Variants in C8orf74 observed in about 807,000 individuals in gnomAD.
The protein encoded by C8orf74 is chromosome 8 open reading frame 74.
Under a neutral mutation model 22.2 loss-of-function variants are expected in C8orf74, and 29 were observed. The observed-to-expected ratio is 1.31, with a 90% confidence interval of 0.97 to 1.78. The LOEUF (loss-of-function observed/expected upper bound fraction) is 1.78, where lower values mean the gene tolerates loss of function less well. Among genes scored for constraint, C8orf74 ranks in the 40% most tolerant of loss-of-function variants. The pLI is 0.00. For synonymous variants in C8orf74, 255 were observed against 163.1 expected (o/e 1.56, Z -4.30); for missense variants, 515 against 369.9 (o/e 1.39, Z -3.22).
chr8:10,682,237 A>T (rs893736422), intron 2 of C8orf74, among the ~76,000 whole-genome samples: 2 of 152,150 alleles, frequency 1.3e-5, no homozygotes, highest in Non-Finnish European at 2.9e-5. Context: ...TGATTGATGG[A>T]TGGTGGAAGT....
At chr8:10,696,930 T>C (rs969896496) in intron 2 of C8orf74, among the ~76,000 whole-genome samples, 1 of 140,122 alleles carries the variant, frequency 7.1e-6, no homozygotes. Context: ...GAGGCCACGG[T>C]GGGAGGATAG....
At chr8:10,687,686 T>C (rs1563160199) in intron 2 of C8orf74, among the ~76,000 whole-genome samples, 2 of 152,118 alleles carry the variant, frequency 1.3e-5, no homozygotes, top group Non-Finnish European at 2.9e-5. Flanking sequence ...AAGATTCTGC[T>C]TTTAAACACT....
intron 2 of C8orf74, among the ~76,000 whole-genome samples, chr8:10,681,423 AG>A (rs372207216): frequency 7.0e-4 from 106 of 152,218 alleles, no homozygotes; most frequent in Middle Eastern, 3.4e-3. Flanking sequence ...AACCACAGGA[AG>A]GGGGCACAGT....
intron 3 of C8orf74, among the ~76,000 whole-genome samples, chr8:10,699,619 G>A (rs1356666874): frequency 6.6e-6 from 1 of 152,206 alleles, no homozygotes; most frequent in East Asian, 1.9e-4. Context: ...GACCAACAGG[G>A]TTTCCTGTTT....
At chr8:10,674,084 C>A (rs2129055834) in intron 1 of C8orf74, among the ~76,000 whole-genome samples, 1 of 144,136 alleles carries the variant, frequency 6.9e-6, no homozygotes, top group South Asian at 2.4e-4. Context: ...CCACAACCAT[C>A]ATGTCATACC....
intron 3 of C8orf74, among the ~76,000 whole-genome samples, chr8:10,698,901 C>CACACA: frequency 7.3e-6 from 1 of 137,522 alleles, no homozygotes; most frequent in African/African-American, 2.7e-5. Flanking sequence ...TACACACACA[C>CACACA]CACACACACA....
At chr8:10,698,807 G>A (rs774091905) in intron 3 of C8orf74, among the ~76,000 whole-genome samples, 14 of 152,004 alleles carry the variant, frequency 9.2e-5, no homozygotes, top group Non-Finnish European at 1.6e-4. Context: ...TGGGGGAGTT[G>A]CAGGGCCTGT....
chr8:10,679,681 C>T (rs1394036581), intron 2 of C8orf74, among the ~76,000 whole-genome samples: 1 of 152,228 alleles, frequency 6.6e-6, no homozygotes, highest in Non-Finnish European at 1.5e-5. Context: ...CTCCAGGCCA[C>T]AGCCACGGCC....
intron 2 of C8orf74, among the ~76,000 whole-genome samples, chr8:10,676,870 G>A (rs1167757256): frequency 6.6e-6 from 1 of 152,158 alleles, no homozygotes; most frequent in Non-Finnish European, 1.5e-5. Context: ...CCAGGAAGAG[G>A]AATGTCAGCC....
intron 2 of C8orf74, among the ~76,000 whole-genome samples, chr8:10,696,505 T>C (rs1799505238): frequency 6.8e-6 from 1 of 148,046 alleles, no homozygotes; most frequent in Non-Finnish European, 1.5e-5. Flanking sequence ...AAGTGCAGTG[T>C]AGCTCGATCT....
chr8:10,690,891 G>C (rs1799366611), intron 2 of C8orf74: 1 of 456,132 alleles, frequency 2.2e-6, no homozygotes, highest in Non-Finnish European at 4.4e-6. Flanking sequence ...CAGGGGCTTG[G>C]GGACCATCTT....
chr8:10,695,874 C>T (rs1473214920), intron 2 of C8orf74, among the ~76,000 whole-genome samples: 1 of 152,092 alleles, frequency 6.6e-6, no homozygotes, highest in Non-Finnish European at 1.5e-5. Context: ...TCATTGTCGG[C>T]AGAAGGAACT....
At chr8:10,672,824 C>A in intron 1 of C8orf74, 111 bp downstream of exon 1, 1 of 874,056 alleles carries the variant, frequency 1.1e-6, no homozygotes, top group Non-Finnish European at 1.8e-6. Context: ...GCCACCCCGG[C>A]TCAGCACAGC....
intron 2 of C8orf74, among the ~76,000 whole-genome samples, chr8:10,682,040 G>T (rs911055871): frequency 6.6e-6 from 1 of 152,198 alleles, no homozygotes; most frequent in Non-Finnish European, 1.5e-5. Context: ...CCATGCCCAC[G>T]GTCTGCCCGG....
chr8:10,692,197 C>T (rs1799396278), intron 2 of C8orf74: 1 of 152,500 alleles, frequency 6.6e-6, no homozygotes, highest in Non-Finnish European at 1.5e-5. Flanking sequence ...GCGTGTGGGG[C>T]CAGGGGTTCT....
intron 1 of C8orf74, 27 bp downstream of exon 1, chr8:10,672,740 A>C: frequency 1.3e-6 from 2 of 1,548,986 alleles, no homozygotes; most frequent in African/African-American, 1.4e-5. Context: ...TGTGGCTTTT[A>C]AACAGAAACT....
intron 2 of C8orf74, chr8:10,693,073 G>C (rs1799417617): frequency 6.6e-6 from 1 of 152,314 alleles, no homozygotes; most frequent in African/African-American, 2.4e-5. Flanking sequence ...ACCCCTGTAG[G>C]GCAGGGCATG....
In C8orf74 at chr8:10,674,696, T is replaced by G; in HGVS notation, c.99T>G (p.Phe33Leu). ...RLRRLLNWEE[F>L]DEQRDSRRSI... ...GGAGGCTTCTGAACTGGGAGGAGTT[T>G]GACGAACAGAGAGACTCCCGGAGGA... The change falls in exon 2 of 4, where the codon TTT becomes TTG. Residue 33 changes from phenylalanine to leucine, a missense_variant. Coordinates refer to ENST00000304519, the MANE Select transcript of C8orf74 (RefSeq NM_001040032.2). 1.2e-6 allele frequency: 2 copies of G among 1,610,180 alleles called. No homozygotes were observed. The highest frequency in any genetic ancestry group is 8.5e-7 in the Non-Finnish European group (1 of 1,178,270).
At chr8:10,697,521 G>T in intron 2 of C8orf74, 78 bp from the exon 3 acceptor site, 1 of 1,254,260 alleles carries the variant, frequency 8.0e-7, no homozygotes, top group East Asian at 2.3e-5. Context: ...AGGCTGTCGG[G>T]GTGCAGAGCC....
Sources: gnomAD v4.1 joint callset for allele counts (sites outside exome capture counted in the v4.1 genomes callset) on GRCh38, gnomAD v4.1.1 for gene constraint, MANE v1.5 for transcripts, NCBI Gene and HGNC (gene_info 2026-07-23, HGNC 2026-07-21) for gene names.